Variants in EDARADD observed in about 807,000 individuals in gnomAD.
The protein encoded by EDARADD is EDAR associated via death domain, also known as ectodysplasin-A receptor-associated adapter protein.
A neutral mutation model predicts 25.6 loss-of-function variants in EDARADD; 20 were observed. The ratio of observed to expected loss-of-function variants is 0.78; its 90% confidence interval spans 0.55 to 1.14. The LOEUF is 1.14. Among genes scored for constraint, EDARADD ranks in the 50% most tolerant of loss-of-function variants. The pLI is 0.00. For missense variants in EDARADD, 225 were observed against 270.1 expected (o/e 0.83, Z 1.17); for synonymous variants, 86 against 94.4 (o/e 0.91, Z 0.52).
At chr1:236,358,079 C>T (rs1469381369) in intron 3 of EDARADD, among the ~76,000 whole-genome samples, 1 of 152,146 alleles carries the variant, frequency 6.6e-6, no homozygotes. Flanking sequence ...CCATGTTGGC[C>T]AGGCTGGTCT....
At chr1:236,469,647 G>C (rs146836317) in intron 5 of EDARADD, among the ~76,000 whole-genome samples, 1 of 152,076 alleles carries the variant, frequency 6.6e-6, no homozygotes, top group African/African-American at 2.4e-5. Context: ...CATCAGCCCA[G>C]GTAACCAAGC....
intron 4 of EDARADD, among the ~76,000 whole-genome samples, chr1:236,463,617 T>C (rs1445142365): frequency 6.6e-6 from 1 of 152,180 alleles, no homozygotes; most frequent in African/African-American, 2.4e-5. Flanking sequence ...AAGTGCACAG[T>C]TCAGTGGCAT....
chr1:236,475,973 C>G lies in EDARADD; in HGVS notation c.266-6294C>G, dbSNP rs562005753. Among the ~76,000 whole-genome samples the G allele has an allele frequency of 2.2e-3, 333 of 150,312 alleles. 1 individual carries two copies. The highest frequency in any genetic ancestry group is 3.9e-3 in the Non-Finnish European group (264 of 67,438). On this transcript the variant is annotated intron_variant, in intron 5 of 5. Transcript: ENST00000334232. ...TGGGAGGCCAAGGCGGGTGGATCAC[C>G]TGAGGTCAAGAGTTCGAGACCAGCC...
chr1:236,445,231 A>ATTTTTTTTTTTTTTTTTTTT (rs1415805260), intron 4 of EDARADD, among the ~76,000 whole-genome samples: 4 of 47,298 alleles, frequency 8.5e-5, no homozygotes, highest in Non-Finnish European at 2.7e-4. Context: ...GACATAATAA[A>ATTTTTTTTTTTTTTTTTTTT]TTCTTTTTTT....
At chr1:236,376,077 G>GCA (rs1558103920) in intron 3 of EDARADD, among the ~76,000 whole-genome samples, 1 of 151,606 alleles carries the variant, frequency 6.6e-6, no homozygotes, top group Non-Finnish European at 1.5e-5. Flanking sequence ...TGGGATTACA[G>GCA]GCATGCACCA....
intron 3 of EDARADD, among the ~76,000 whole-genome samples, chr1:236,421,386 C>T (rs892525819): frequency 3.5e-5 from 5 of 143,198 alleles, no homozygotes; most frequent in African/African-American, 1.0e-4. Context: ...AAGGACTGTG[C>T]GTGGTCCCCT....
chr1:236,419,998 C>T (rs548393177), intron 3 of EDARADD, among the ~76,000 whole-genome samples: 206 of 152,036 alleles, frequency 1.4e-3, no homozygotes, highest in Non-Finnish European at 2.5e-3. Context: ...GTCAACATGG[C>T]GATACCCCGT....
intron 3 of EDARADD, among the ~76,000 whole-genome samples, chr1:236,425,401 CT>C (rs1436610927): frequency 6.6e-6 from 1 of 152,186 alleles, no homozygotes; most frequent in Non-Finnish European, 1.5e-5. Flanking sequence ...CTGCCTTTGC[CT>C]TAGCAGCAAC....
chr1:236,423,133 C>T (rs1657823329), intron 3 of EDARADD, among the ~76,000 whole-genome samples: 2 of 152,116 alleles, frequency 1.3e-5, no homozygotes, highest in Admixed American at 1.3e-4. Flanking sequence ...AGTGGGACTG[C>T]CTGTTGTAGA....
intron 4 of EDARADD, among the ~76,000 whole-genome samples, chr1:236,434,210 T>A (rs907598230): frequency 1.3e-5 from 2 of 152,046 alleles, no homozygotes; most frequent in Non-Finnish European, 2.9e-5. Flanking sequence ...AACACAAATC[T>A]GTAAATGTTC....
upstream of EDARADD, among the ~76,000 whole-genome samples, chr1:236,392,124 G>C (rs4659666): frequency 0.77 from 116,632 of 152,124 alleles, 46,153 homozygotes; most frequent in East Asian, 0.92. Context: ...TGGGGAGGGG[G>C]TGAGATTTTT....
In EDARADD at chr1:236,478,901, G is replaced by A. The variant is rs550722240; in HGVS notation, c.266-3366G>A. Among the ~76,000 whole-genome samples, 3 of 152,248 alleles carry A rather than the reference G, an allele frequency of 2.0e-5. No homozygotes were observed. The South Asian group carries it at 6.2e-4, about 32-fold the overall frequency. On this transcript the variant is annotated intron_variant, in intron 5 of 5. Transcript: ENST00000334232. ...GCGCCCAGCGAGACTGTTATTCTAA[G>A]TGAAGTAACTCAGGAATGGAAAACC...
intron 4 of EDARADD, among the ~76,000 whole-genome samples, chr1:236,461,397 T>C (rs775270913): frequency 1.3e-5 from 2 of 152,196 alleles, no homozygotes; most frequent in Non-Finnish European, 2.9e-5. Flanking sequence ...CACCATTTAT[T>C]GAAGAGACTG....
intron 1 of EDARADD, among the ~76,000 whole-genome samples, chr1:236,403,585 C>A (rs1240218229): frequency 6.6e-6 from 1 of 152,192 alleles, no homozygotes; most frequent in East Asian, 1.9e-4. Flanking sequence ...CCACGCCCAG[C>A]CTAGAGCTTT....
upstream of EDARADD, among the ~76,000 whole-genome samples, chr1:236,391,329 A>G (rs1215435440): frequency 1.3e-5 from 2 of 152,234 alleles, no homozygotes; most frequent in African/African-American, 4.8e-5. Context: ...CACTATTACC[A>G]GAAGTTAGTA....
chr1:236,435,042 C>T (rs927243242), intron 4 of EDARADD, among the ~76,000 whole-genome samples: 1 of 152,060 alleles, frequency 6.6e-6, no homozygotes, highest in African/African-American at 2.4e-5. Flanking sequence ...ATTTGTTGTG[C>T]CAGTGAGACT....
intron 4 of EDARADD, among the ~76,000 whole-genome samples, chr1:236,461,502 G>A (rs1391227184): frequency 6.6e-6 from 1 of 152,128 alleles, no homozygotes; most frequent in Admixed American, 6.5e-5. Context: ...CTGTCCCATT[G>A]GTCTAAGTGT....
At chr1:236,473,824 G>GA (rs754724550) in intron 5 of EDARADD, among the ~76,000 whole-genome samples, 4 of 152,006 alleles carry the variant, frequency 2.6e-5, no homozygotes, top group Non-Finnish European at 4.4e-5. Context: ...ATCTTGGAGT[G>GA]CAGTGGCACC....
chr1:236,473,770 G>A (rs544904601), intron 5 of EDARADD, among the ~76,000 whole-genome samples: 1 of 152,158 alleles, frequency 6.6e-6, no homozygotes, highest in Admixed American at 6.6e-5. Context: ...GGGTGACAGA[G>A]TGAGACTCTG....
Sources: allele counts gnomAD v4.1 joint callset (sites outside exome capture counted in the v4.1 genomes callset), GRCh38; gene constraint gnomAD v4.1.1; transcripts MANE v1.5; gene names NCBI Gene and HGNC (gene_info 2026-07-23, HGNC 2026-07-21).